MYPN: variants seen among roughly 807,000 people sequenced by gnomAD.
MYPN encodes sarcomeric protein myopalladin, 145 kDa (MYOP).
Under a neutral mutation model 129.4 loss-of-function variants are expected in MYPN, and 63 were observed. The observed-to-expected ratio is 0.49, with a 90% CI of 0.40 to 0.60. The LOEUF (loss-of-function observed/expected upper bound fraction) is 0.60. MYPN is among the 20% of genes least tolerant of loss of function. The pLI, the probability that MYPN is intolerant of heterozygous loss-of-function variation, is 0.00. For synonymous variants in MYPN, 629 were observed against 600.9 expected, an observed-to-expected ratio of 1.05 and a Z score of -0.68; for missense variants, 1,596 against 1,635.4, an observed-to-expected ratio of 0.98 and a Z score of 0.42.
rs750175617 is a variant in MYPN, at chr10:68,210,431, T to C, written c.3939T>C (p.Ser1313=). ...STMVYSCSSR[S]VVESDEL is the part of the protein sequence containing the mutation. ...TGGTGTATTCATGCTCTTCTCGGAG[T>C]GTAGTGGAGAGTGATGAACTTTAAG... is the stretch of plus-strand genomic sequence containing the variant. The change falls in exon 20 of 20, where the codon AGT becomes AGC. Residue 1313 remains serine (S), a synonymous_variant. Coordinates refer to ENST00000358913, the MANE Select transcript of MYPN (RefSeq NM_032578.4). 4.3e-6 allele frequency: 7 copies of C among 1,613,870 alleles called. No individual in the cohort carries two copies. The highest frequency in any genetic ancestry group is 5.1e-6 in the Non-Finnish European group (6 of 1,179,992).
intron 8 of MYPN, among the ~76,000 whole-genome samples, chr10:68,162,506 G>A (rs888796089): frequency 6.6e-6 from 1 of 152,172 alleles, no homozygotes; most frequent in African/African-American, 2.4e-5. Context: ...AGGATACTAC[G>A]ACGAGATACA....
In MYPN at chr10:68,158,845, A is replaced by G. The variant is rs2673795; in HGVS notation, c.1459+218A>G. Among the ~76,000 whole-genome samples the G allele has an allele frequency of 0.65, 98,044 of 151,856 alleles. 32,362 individuals carry two copies. The highest frequency in any genetic ancestry group is 0.7 in the Non-Finnish European group (47,689 of 67,936). On this transcript the variant is annotated intron_variant, in intron 7 of 19. Coordinates refer to ENST00000358913, the MANE Select transcript of MYPN (RefSeq NM_032578.4). ...AGCATCATATTCTTTTTTGTAAATTAATTATTTACTCAACATTTAATGAAC... is the reference window on the plus strand; with the variant it reads ...AGCATCATATTCTTTTTTGTAAATTGATTATTTACTCAACATTTAATGAAC...
chr10:68,194,423 C>A lies in MYPN; in HGVS notation c.2986C>A (p.Arg996=), dbSNP rs753094063. ...SKRNEHCKMR[R]EGDGTCSLHI... ...GAGAAATGAGCACTGCAAAATGAGG[C>A]GAGAAGGAGATGGGACATGCTCTCT... Residue 996 remains arginine (R), a synonymous_variant, in exon 14 of 20, where the codon CGA becomes AGA. Coordinates refer to ENST00000358913, the MANE Select transcript of MYPN (RefSeq NM_032578.4). 3.1e-6 allele frequency: 5 copies of A among 1,613,512 alleles called. No homozygotes were observed. The South Asian group carries it at 5.5e-5, about 18-fold the overall frequency.
chr10:68,184,570 A>G (rs4746733), intron 12 of MYPN, among the ~76,000 whole-genome samples: 62,921 of 152,084 alleles, frequency 0.41, 13,755 homozygotes, highest in Non-Finnish European at 0.49. Flanking sequence ...CTGGAATTAC[A>G]GGCACACGCC....
Position 68,121,693 on chromosome 10 carries a change from C to A in MYPN, c.255C>A (p.Tyr85Ter). 1 of 1,614,194 alleles carries A rather than the reference C, an allele frequency of 6.2e-7. No individual in the cohort carries two copies. The highest frequency in any genetic ancestry group is 8.5e-7 in the Non-Finnish European group (1 of 1,180,034). ...SVNLARLAIN[Y>*]DPLEKADETQ... ...ATTTGGCAAGACTGGCCATCAATTA[C>A]GACCCTTTGGAGAAGGCAGATGAAA... is the stretch of plus-strand genomic sequence containing the variant. Residue 85 changes from tyrosine to a stop codon, truncating the protein, a stop_gained, in exon 2 of 20, where the codon TAC (tyrosine) becomes TAA (stop). Coordinates refer to ENST00000358913, the MANE Select transcript of MYPN (RefSeq NM_032578.4). LOFTEE classifies it high-confidence loss of function.
intron 4 of MYPN, among the ~76,000 whole-genome samples, chr10:68,148,010 C>A (rs1157888517): frequency 6.6e-6 from 1 of 152,044 alleles, no homozygotes; most frequent in African/African-American, 2.4e-5. Flanking sequence ...AGGGAAAATA[C>A]CGAGGGTAAC....
chr10:68,142,898 G>C (rs767879752), intron 2 of MYPN, 42 bp from the exon 3 acceptor site: 3 of 1,582,440 alleles, frequency 1.9e-6, no homozygotes, highest in Non-Finnish European at 2.6e-6. Flanking sequence ...TTATTGTCTT[G>C]CATTTGAGTC....
At chr10:68,201,023 C>T (rs2043701225) in intron 17 of MYPN, among the ~76,000 whole-genome samples, 1 of 152,144 alleles carries the variant, frequency 6.6e-6, no homozygotes, top group Non-Finnish European at 1.5e-5. Flanking sequence ...CTCTAAAAGC[C>T]TCCTTGGGAA....
chr10:68,169,387 T>A, intron 10 of MYPN, among the ~76,000 whole-genome samples: 1 of 150,728 alleles, frequency 6.6e-6, no homozygotes, highest in Non-Finnish European at 1.5e-5. Context: ...AAGAAGTGAC[T>A]TCTCTCTCTA....
intron 2 of MYPN, among the ~76,000 whole-genome samples, chr10:68,123,101 G>T (rs1482851116): frequency 2.6e-5 from 4 of 152,064 alleles, no homozygotes; most frequent in Non-Finnish European, 5.9e-5. Flanking sequence ...TTGGCCGGGC[G>T]CAGTGGCTCC....
intron 12 of MYPN, among the ~76,000 whole-genome samples, chr10:68,183,833 C>A (rs920756420): frequency 6.6e-5 from 10 of 152,096 alleles, no homozygotes; most frequent in Non-Finnish European, 1.5e-4. Context: ...CCAGCCTGGG[C>A]AATATAGGGA....
chr10:68,154,824 G>A (rs1906719), intron 6 of MYPN, among the ~76,000 whole-genome samples: 100,556 of 152,058 alleles, frequency 0.66, 34,393 homozygotes, highest in Non-Finnish European at 0.74. Context: ...TTCAACTCAC[G>A]TTTATAGCAG....
At chr10:68,115,347 C>G (rs987130163) in intron 1 of MYPN, among the ~76,000 whole-genome samples, 1 of 151,304 alleles carries the variant, frequency 6.6e-6, no homozygotes, top group South Asian at 2.1e-4. Flanking sequence ...TTTCCTGAAA[C>G]CTGCTCCTGC....
chr10:68,203,048 A>G (rs1190302131), intron 18 of MYPN, among the ~76,000 whole-genome samples: 2 of 152,204 alleles, frequency 1.3e-5, no homozygotes, highest in African/African-American at 2.4e-5. Context: ...AAACAAAATC[A>G]ATGTCTGGAA....
At chr10:68,183,397 G>C (rs559122923) in intron 12 of MYPN, among the ~76,000 whole-genome samples, 89 of 152,134 alleles carry the variant, frequency 5.9e-4, no homozygotes, top group Middle Eastern at 6.8e-3. Flanking sequence ...AGGAGGCAAA[G>C]TTTGCAAGGA....
intron 10 of MYPN, 117 bp downstream of exon 10, chr10:68,166,783 C>T: frequency 7.2e-7 from 1 of 1,389,668 alleles, no homozygotes; most frequent in Non-Finnish European, 1.0e-6. Context: ...AATCCGAGCA[C>T]TTTGGGAGGC....
At chr10:68,149,962 T>C in intron 5 of MYPN, 78 bp from the exon 6 acceptor site, 1 of 1,346,340 alleles carries the variant, frequency 7.4e-7, no homozygotes, top group Non-Finnish European at 1.1e-6. Flanking sequence ...TATACCAAAT[T>C]CTATAGGTTT....
At chr10:68,092,495 CAA>C (rs1170392363) in intron 1 of MYPN, among the ~76,000 whole-genome samples, 11 of 96,426 alleles carry the variant, frequency 1.1e-4, no homozygotes, top group Admixed American at 1.1e-4. Context: ...GACTTCGTCT[CAA>C]AAAAAAAAAA....
intron 7 of MYPN, among the ~76,000 whole-genome samples, chr10:68,159,287 G>A (rs1223553195): frequency 2.0e-5 from 3 of 152,034 alleles, no homozygotes; most frequent in Non-Finnish European, 2.9e-5. Flanking sequence ...GACACACGTC[G>A]CCCTAGCTAT....
Sources: gnomAD v4.1 joint callset for allele counts (sites outside exome capture counted in the v4.1 genomes callset) on GRCh38, gnomAD v4.1.1 for gene constraint, MANE v1.5 for transcripts, NCBI Gene and HGNC (gene_info 2026-07-23, HGNC 2026-07-21) for gene names.